CUX1: variants seen among roughly 807,000 people sequenced by gnomAD.
The protein encoded by CUX1 is protein CASP.
CUX1 carries 31 observed loss-of-function variants against 158.8 expected under a neutral mutation model. That is an observed-to-expected ratio of 0.20 (90% CI 0.15 to 0.26). The LOEUF (loss-of-function observed/expected upper bound fraction) is 0.26. CUX1 is among the 10% of genes least tolerant of loss of function. CUX1 has a pLI of 1.00. For missense variants in CUX1, 1,589 were observed against 2,014.6 expected (o/e 0.79, Z 4.04); for synonymous variants, 879 against 862.1 (o/e 1.02, Z -0.34).
At chr7:102,104,215 A>G (rs904578483) in intron 5 of CUX1, 121 bp from the exon 6 acceptor site, 3 of 907,002 alleles carry the variant, frequency 3.3e-6, no homozygotes, top group Non-Finnish European at 4.9e-6. Context: ...ATTTTGTGTC[A>G]GAGTTGAAGA....
intron 20 of CUX1, among the ~76,000 whole-genome samples, chr7:102,222,811 CTTT>C (rs71123016): frequency 6.1e-3 from 155 of 25,500 alleles, no homozygotes; most frequent in Non-Finnish European, 6.9e-3. Context: ...GGCACCGTAT[CTTT>C]TTTTTTTTTT....
chr7:102,238,216 CGG>C (rs1563467771), intron 22 of CUX1, among the ~76,000 whole-genome samples: 24 of 141,502 alleles, frequency 1.7e-4, no homozygotes, highest in African/African-American at 5.6e-4. Context: ...CTCCCTTTCC[CGG>C]GATACTCCCT....
rs78359248 is a variant in CUX1, at chr7:102,201,025, T to TAAAAAAAAAAA, written c.2063-316_2063-306dup. ...CTGGACAACAGCGAGATCCTGTCGC[T>TAAAAAAAAAAA]AAAAAAAAAAAAAAAAAAAAAAAAA... On this transcript the variant is annotated intron_variant, in intron 17 of 23. Transcript: ENST00000292535. The surrounding 1 kb of genome is among the most constrained non-coding windows in gnomAD (Gnocchi z 5.0). 1.2e-4 allele frequency among the ~76,000 whole-genome samples: 5 copies of TAAAAAAAAAAA among 42,140 alleles called. No individual in the cohort carries two copies. The highest frequency in any genetic ancestry group is 5.2e-4 in the African/African-American group (5 of 9,698). The allele number at this position is 42,140 out of a possible 152,430, so 27.6% of individuals were successfully genotyped here.
intron 2 of CUX1, among the ~76,000 whole-genome samples, chr7:101,981,566 A>G (rs556954999): frequency 5.9e-5 from 9 of 151,856 alleles, no homozygotes; most frequent in Non-Finnish European, 1.3e-4. Context: ...GGCATTCCCC[A>G]GTGGTGTTTG....
In CUX1 at chr7:102,227,604, C is replaced by G. The variant is rs140448919; in HGVS notation, c.3368C>G (p.Ser1123Cys). 2,396 of 1,613,952 alleles carry G rather than the reference C, an allele frequency of 1.5e-3. 9 individuals are homozygous for G. The highest frequency in any genetic ancestry group is 2.0e-3 in the Non-Finnish European group (2,304 of 1,180,048). Residue 1123 changes from serine (S) to cysteine (C), a missense_variant, in exon 21 of 24, where the codon TCC becomes TGC. Around this residue, in one of 8 missense-constraint regions of CUX1, gnomAD observed 259 missense variants for 373.8 expected, o/e 0.69. Coordinates refer to ENST00000292535, the MANE Select transcript of CUX1 (RefSeq NM_181552.4). ...AGCATCCAAGAATTAGTAGCCATGT[C>G]CCCGGAGCTGGACACCTACGGCATA... The part of the protein sequence containing the change: ...ALSIQELVAM[S>C]PELDTYGITK...
At chr7:102,107,167 C>A (rs1830444881) in intron 6 of CUX1, among the ~76,000 whole-genome samples, 1 of 150,240 alleles carries the variant, frequency 6.7e-6, no homozygotes, top group Non-Finnish European at 1.5e-5. Context: ...TCAGGAGTTC[C>A]AGGCTGCAGT....
intron 5 of CUX1, among the ~76,000 whole-genome samples, chr7:102,103,459 C>T (rs531456908): frequency 1.1e-4 from 16 of 148,912 alleles, no homozygotes; most frequent in African/African-American, 3.9e-4. Flanking sequence ...CTCACTCACT[C>T]ACACTCTGTC....
intron 10 of CUX1, among the ~76,000 whole-genome samples, chr7:102,176,361 C>T (rs1432693794): frequency 2.6e-5 from 4 of 152,054 alleles, no homozygotes; most frequent in Non-Finnish European, 5.9e-5. Flanking sequence ...AAGATCAGGA[C>T]GTGAAACTGA....
intron 2 of CUX1, among the ~76,000 whole-genome samples, chr7:101,966,759 G>C (rs1378364675): frequency 1.3e-5 from 2 of 152,138 alleles, no homozygotes; most frequent in Non-Finnish European, 2.9e-5. Flanking sequence ...CCCACGGTCT[G>C]TATCTCCCTA....
chr7:101,981,320 C>G (rs1402408140), intron 2 of CUX1, among the ~76,000 whole-genome samples: 4 of 152,148 alleles, frequency 2.6e-5, no homozygotes, highest in Admixed American at 1.3e-4. Flanking sequence ...TGTAAGTTGC[C>G]TGAATTCAAA....
intron 2 of CUX1, among the ~76,000 whole-genome samples, chr7:101,923,249 A>G (rs989068147): frequency 6.6e-6 from 1 of 152,144 alleles, no homozygotes. Flanking sequence ...GGGCTCTGCT[A>G]TTTGAATGTG....
intron 1 of CUX1, among the ~76,000 whole-genome samples, chr7:101,904,211 G>T (rs1166934903): frequency 6.6e-6 from 1 of 152,058 alleles, no homozygotes; most frequent in Non-Finnish European, 1.5e-5. Context: ...GAGGCGGGAG[G>T]ATTGCTTGAG....
intron 2 of CUX1, among the ~76,000 whole-genome samples, chr7:101,938,270 A>AC (rs1432557500): frequency 1.3e-5 from 2 of 151,782 alleles, no homozygotes; most frequent in African/African-American, 4.8e-5. Flanking sequence ...GTGCCACCAC[A>AC]CCCAGCTAAT....
intron 14 of CUX1, chr7:102,273,272 C>T: frequency 2.0e-6 from 3 of 1,510,638 alleles, no homozygotes; most frequent in East Asian, 2.4e-5. Flanking sequence ...GGCAGCCCTG[C>T]TTCCAGACCG....
At chr7:101,952,939 G>A (rs1563054495) in intron 2 of CUX1, among the ~76,000 whole-genome samples, 1 of 152,174 alleles carries the variant, frequency 6.6e-6, no homozygotes, top group Admixed American at 6.5e-5. Context: ...CATTTTATCC[G>A]TCTGTTTACA....
intron 3 of CUX1, among the ~76,000 whole-genome samples, chr7:102,049,156 G>A (rs1250121212): frequency 6.6e-6 from 1 of 152,206 alleles, no homozygotes; most frequent in Non-Finnish European, 1.5e-5. Context: ...AGCTGGGAAA[G>A]GCCTGCCATG....
intron 2 of CUX1, among the ~76,000 whole-genome samples, chr7:102,001,543 C>T (rs1414009911): frequency 6.6e-6 from 1 of 152,034 alleles, no homozygotes; most frequent in East Asian, 1.9e-4. Flanking sequence ...AGGGTTTCAC[C>T]ATGTTGGCCA....
At chr7:102,272,779 G>C (rs2132801005) in intron 14 of CUX1, among the ~76,000 whole-genome samples, 1 of 152,294 alleles carries the variant, frequency 6.6e-6, no homozygotes, top group African/African-American at 2.4e-5. Context: ...CTGTGGGTCG[G>C]GGGACTCCTT....
At chr7:102,016,905 G>A (rs1403755253) in intron 2 of CUX1, among the ~76,000 whole-genome samples, 4 of 152,322 alleles carry the variant, frequency 2.6e-5, no homozygotes, top group East Asian at 3.9e-4. Context: ...GGCAAAAGTC[G>A]GAGTCACACG....
Sources: allele counts gnomAD v4.1 joint callset (sites outside exome capture counted in the v4.1 genomes callset), GRCh38; gene constraint gnomAD v4.1.1; regional missense constraint gnomAD v4.1.1; non-coding constraint Gnocchi (gnomAD v3.1); transcripts MANE v1.5; gene names NCBI Gene and HGNC (gene_info 2026-07-23, HGNC 2026-07-21).